DLG1: variants seen among roughly 807,000 people sequenced by gnomAD.
DLG1 encodes disks large homolog 1.
In DLG1, 42 loss-of-function variants were observed where a neutral mutation model predicts 123.4. The observed-to-expected ratio is 0.34, with a 90% CI of 0.27 to 0.44. The LOEUF is 0.44. DLG1 is among the 20% of genes least tolerant of loss of function. The probability of loss-of-function intolerance (pLI) is 1.00; values close to 1 mark genes in which losing one functional copy is unlikely to be tolerated. For missense variants in DLG1, 942 were observed against 1,082.6 expected (o/e 0.87, Z 1.82); for synonymous variants, 317 against 356.2 (o/e 0.89, Z 1.24).
chr3:197,281,804 G>A (rs1769487144), intron 4 of DLG1, among the ~76,000 whole-genome samples: 1 of 152,138 alleles, frequency 6.6e-6, no homozygotes, highest in Admixed American at 6.5e-5. Flanking sequence ...TCTTTAACAT[G>A]AAGACAAGGG....
intron 23 of DLG1, 77 bp from the exon 24 acceptor site, chr3:197,051,745 C>A: frequency 1.9e-6 from 2 of 1,042,612 alleles, no homozygotes; most frequent in Non-Finnish European, 2.8e-6. Context: ...GGAGAGATGA[C>A]ACATAAAATA....
At position 197,082,941 on chromosome 3, in the gene DLG1, T is replaced by C. The variant is rs1182880015; in HGVS notation, c.1839-1824A>G. On this transcript the variant is annotated intron_variant, in intron 16 of 24. Coordinates refer to ENST00000667157, the MANE Select transcript of DLG1 (RefSeq NM_001366207.1). ...GTAGGCACAGAAAGCCTTTGTAAGG[T>C]ATGAGACTCCAAGAACCAAGACAAT... Among the ~76,000 whole-genome samples the C allele has an allele frequency of 2.0e-5, 3 of 152,318 alleles. No homozygotes were observed. In the East Asian group the frequency reaches 5.8e-4, roughly 29 times the overall value.
intron 19 of DLG1, among the ~76,000 whole-genome samples, chr3:197,067,836 C>T (rs949802877): frequency 1.3e-5 from 2 of 152,188 alleles, no homozygotes; most frequent in Admixed American, 6.5e-5. Flanking sequence ...GGATTACAGG[C>T]GTGAGCCGCC....
intron 5 of DLG1, among the ~76,000 whole-genome samples, chr3:197,153,975 T>TA (rs956269206): frequency 1.3e-5 from 2 of 151,832 alleles, no homozygotes; most frequent in Non-Finnish European, 2.9e-5. Flanking sequence ...AGTGGCTTAT[T>TA]AAAAAAAATA....
intron 13 of DLG1, among the ~76,000 whole-genome samples, chr3:197,105,620 A>G (rs1765897595): frequency 6.6e-6 from 1 of 152,174 alleles, no homozygotes; most frequent in Non-Finnish European, 1.5e-5. Context: ...TAATTATCCA[A>G]TTCTACCAGT....
chr3:197,283,421 T>C lies in DLG1; in HGVS notation c.152-576A>G, dbSNP rs537859527. The stretch of plus-strand genomic sequence containing the variant: ...AAGGGCTTTCGGATATCCTCTAGTC[T>C]GAATATTTTATAATAGTAAATTAAA... On this transcript the variant is annotated intron_variant, in intron 3 of 24. Coordinates refer to ENST00000667157, the MANE Select transcript of DLG1 (RefSeq NM_001366207.1). 5.3e-5 allele frequency among the ~76,000 whole-genome samples: 8 copies of C among 152,338 alleles called. No homozygotes were observed. The East Asian group carries it at 1.5e-3, about 29-fold the overall frequency.
chr3:197,067,941 G>C (rs567463052), intron 19 of DLG1, among the ~76,000 whole-genome samples: 2 of 152,192 alleles, frequency 1.3e-5, no homozygotes, highest in South Asian at 4.1e-4. Flanking sequence ...GTTAACCCAA[G>C]TGGTTCAATG....
chr3:197,272,311 A>G (rs1579114037), intron 4 of DLG1, among the ~76,000 whole-genome samples: 1 of 151,674 alleles, frequency 6.6e-6, no homozygotes, highest in Non-Finnish European at 1.5e-5. Context: ...TGATCACACC[A>G]CCTCACACTA....
At chr3:197,119,204 A>G (rs551285880) in intron 12 of DLG1, among the ~76,000 whole-genome samples, 1 of 152,336 alleles carries the variant, frequency 6.6e-6, no homozygotes, top group South Asian at 2.1e-4. Flanking sequence ...AATTTTAAAA[A>G]AGGAGTGGTA....
chr3:197,186,237 G>A (rs571086895), intron 5 of DLG1, among the ~76,000 whole-genome samples: 59 of 152,272 alleles, frequency 3.9e-4, no homozygotes, highest in Non-Finnish European at 6.8e-4. Flanking sequence ...GAGGTGGAAG[G>A]CGGAAGGCAA....
At chr3:197,141,766 A>T (rs892591574) in intron 7 of DLG1, among the ~76,000 whole-genome samples, 7 of 107,596 alleles carry the variant, frequency 6.5e-5, no homozygotes, top group African/African-American at 1.9e-4. Context: ...TCTGTCACCC[A>T]GGCTAGAGTG....
chr3:197,066,518 T>A (rs992829445), intron 20 of DLG1, among the ~76,000 whole-genome samples, 186 bp downstream of exon 20: 1 of 152,150 alleles, frequency 6.6e-6, no homozygotes, highest in African/African-American at 2.4e-5. Context: ...CAGTATGAAA[T>A]GACTAGATTC....
At chr3:197,130,962 G>GT (rs1405824298) in intron 10 of DLG1, among the ~76,000 whole-genome samples, 1 of 152,060 alleles carries the variant, frequency 6.6e-6, no homozygotes, top group African/African-American at 2.4e-5. Flanking sequence ...GTGTGGATGC[G>GT]TTTTAGACAT....
chr3:197,272,848 T>C (rs150040870), intron 4 of DLG1, among the ~76,000 whole-genome samples: 2 of 152,298 alleles, frequency 1.3e-5, no homozygotes, highest in African/African-American at 4.8e-5. Flanking sequence ...AGGTAGTAAA[T>C]AGGGAGAGTA....
intron 4 of DLG1, among the ~76,000 whole-genome samples, chr3:197,257,482 C>CCGA (rs1240661207): frequency 1.3e-5 from 2 of 152,118 alleles, no homozygotes; most frequent in African/African-American, 4.8e-5. Context: ...GGAACTGTTT[C>CCGA]AGAAGACAAG....
At position 197,072,279 on chromosome 3, in the gene DLG1, T is replaced by C. The variant is rs535697250; in HGVS notation, c.2006-3019A>G. On this transcript the variant is annotated intron_variant, in intron 18 of 24. Transcript: ENST00000667157. ...TTTGTCTCCATCTCTAATTACATCC[T>C]TAGGATAAATTCTTTGAAGAGGATT... Among the ~76,000 whole-genome samples the C allele has an allele frequency of 4.6e-5, 7 of 152,270 alleles. No homozygotes were observed. The South Asian group carries it at 1.4e-3, about 32-fold the overall frequency.
At chr3:197,127,294 A>G (rs114736010) in intron 11 of DLG1, among the ~76,000 whole-genome samples, 3,583 of 150,150 alleles carry the variant, frequency 0.024, 54 homozygotes, top group Non-Finnish European at 0.039. Flanking sequence ...ATGGTGTCGC[A>G]AGCCTGTAAT....
intron 11 of DLG1, among the ~76,000 whole-genome samples, chr3:197,128,837 G>GC (rs1560889977): frequency 6.8e-6 from 1 of 147,910 alleles, no homozygotes; most frequent in African/African-American, 2.5e-5. Flanking sequence ...TGAAAGGAGT[G>GC]TTTTTTTTTT....
chr3:197,048,625 AAT>A (rs1291784413), intron 24 of DLG1, among the ~76,000 whole-genome samples: 2 of 152,216 alleles, frequency 1.3e-5, no homozygotes, highest in African/African-American at 2.4e-5. Context: ...CATCACAGAA[AAT>A]AGTGTGGACA....
Sources: allele counts gnomAD v4.1 joint callset (sites outside exome capture counted in the v4.1 genomes callset), GRCh38; gene constraint gnomAD v4.1.1; transcripts MANE v1.5; gene names NCBI Gene and HGNC (gene_info 2026-07-23, HGNC 2026-07-21).